CROCC2: variants seen among roughly 807,000 people sequenced by gnomAD.
CROCC2 encodes the protein ciliary rootlet coiled-coil protein 2.
In CROCC2, 163 loss-of-function variants were observed where a neutral mutation model predicts 177.6. The observed-to-expected ratio is 0.92, with a 90% CI of 0.81 to 1.05. CROCC2 has a LOEUF of 1.05. Among genes scored for constraint, CROCC2 ranks in the 50% least tolerant of loss-of-function variants. CROCC2 has a pLI of 0.00. For missense variants in CROCC2, 1,929 were observed against 1,797.8 expected, an observed-to-expected ratio of 1.07 and a Z score of -1.32; for synonymous variants, 904 against 787.3, an observed-to-expected ratio of 1.15 and a Z score of -2.48.
chr2:240,955,610 C>T (rs2059585579), intron 18 of CROCC2: 1 of 485,472 alleles, frequency 2.1e-6, no homozygotes, highest in African/African-American at 1.9e-5. Flanking sequence ...CAAGTGCAGA[C>T]ACAGAGGTGG....
chr2:240,954,300 G>A lies in CROCC2; in HGVS notation c.2830-1559G>A, dbSNP rs190978292. ...CACAGGGCATGGTTCCCAACAGGAT[G>A]CCCTGTCTCAGACACCATCCACAAG... is the stretch of plus-strand genomic sequence containing the variant. On this transcript the variant is annotated intron_variant, in intron 18 of 31. Transcript: ENST00000690015. 6.4e-3 allele frequency among the ~76,000 whole-genome samples: 974 copies of A among 152,214 alleles called. 5 individuals carry two copies. Among genetic ancestry groups the A allele is most frequent in the Non-Finnish European group, 0.011 (733 of 68,024 alleles).
intron 28 of CROCC2, chr2:240,985,851 G>T (rs1574800188): frequency 2.4e-6 from 1 of 422,448 alleles, no homozygotes; most frequent in South Asian, 1.7e-5. Context: ...CACACTGGGG[G>T]TCTCACTGCC....
chr2:240,916,701 C>G (rs1163590949), intron 1 of CROCC2, among the ~76,000 whole-genome samples: 1 of 152,216 alleles, frequency 6.6e-6, no homozygotes, highest in Non-Finnish European at 1.5e-5. Context: ...TTACTCCGCG[C>G]TGCAGCCTTC....
chr2:240,976,341 A>G (rs58954937), intron 27 of CROCC2, among the ~76,000 whole-genome samples: 800 of 110,632 alleles, frequency 7.2e-3, no homozygotes, highest in African/African-American at 0.025. Flanking sequence ...TCTCTGGGGT[A>G]GGAGCCTCAG....
At position 240,948,971 on chromosome 2, in the gene CROCC2, C is replaced by G; in HGVS notation, c.2364-8C>G. 6.5e-7 allele frequency: 1 copy of G among 1,550,344 alleles called. No homozygotes were observed. Among genetic ancestry groups the G allele is most frequent in the African/African-American group, 1.4e-5 (1 of 73,184 alleles). On this transcript the variant is annotated splice_region_variant and splice_polypyrimidine_tract_variant and intron_variant, in intron 15 of 31. Transcript: ENST00000690015. ...ATGACTTGCCCATTGTTTGCTGCATCTTTGCAGGGTGGAGAGGGACTCCCT... is the reference window on the plus strand; with the variant it reads ...ATGACTTGCCCATTGTTTGCTGCATGTTTGCAGGGTGGAGAGGGACTCCCT...
intron 28 of CROCC2, among the ~76,000 whole-genome samples, chr2:240,986,265 C>T (rs543156075): frequency 3.3e-5 from 5 of 152,184 alleles, no homozygotes; most frequent in African/African-American, 4.8e-5. Flanking sequence ...AGAGTCCCCG[C>T]GGAAGCTGTG....
intron 5 of CROCC2, 21 bp from the exon 6 acceptor site, chr2:240,930,145 C>T (rs1162762428): frequency 5.5e-6 from 3 of 544,232 alleles, no homozygotes; most frequent in Non-Finnish European, 1.0e-5. Flanking sequence ...CTGAAGTAGA[C>T]AGGAGGCCTC....
rs1030580411 is a variant in CROCC2 at position 240,935,419 on chromosome 2, G to C, written c.2000G>C (p.Arg667Pro). Residue 667 changes from arginine (R) to proline (P), a missense_variant, in exon 14 of 32, where the codon CGG becomes CCG. Arg to Pro is a moderately radical substitution (Grantham distance 103). Coordinates refer to ENST00000690015, the MANE Select transcript of CROCC2 (RefSeq NM_001351305.2). ...AAGACTCTGGAGCAGGAACGGGCCC[G>C]GGCCGGGGAGCAGCTGGCACAGGCG... ...QRKTLEQERARAGEQLAQAEQ... is the reference protein window; with the variant it reads ...QRKTLEQERAPAGEQLAQAEQ... The C allele has an allele frequency of 7.3e-7, 1 of 1,377,032 alleles. No individual in the cohort carries two copies. Among genetic ancestry groups the C allele is most frequent in the South Asian group, 1.8e-5 (1 of 55,960 alleles). The allele number at this position is 1,377,032 out of a possible 1,614,324, so 85.3% of individuals were successfully genotyped here.
chr2:240,983,765 C>A (rs1187774316), intron 28 of CROCC2: 3 of 479,996 alleles, frequency 6.3e-6, no homozygotes, highest in Non-Finnish European at 1.0e-5. Flanking sequence ...CGTGTGCGCC[C>A]TGCCTTGGCT....
intron 18 of CROCC2, among the ~76,000 whole-genome samples, chr2:240,952,213 G>C (rs543439773): frequency 1.3e-5 from 2 of 152,004 alleles, no homozygotes; most frequent in Non-Finnish European, 2.9e-5. Context: ...CGGGCATGGT[G>C]GTGGGGACCT....
intron 21 of CROCC2, 60 bp from the exon 22 acceptor site, chr2:240,964,406 G>A: frequency 6.5e-7 from 1 of 1,543,014 alleles, no homozygotes; most frequent in Admixed American, 2.0e-5. Flanking sequence ...AGACCTGCTG[G>A]GCAGCTGTGC....
chr2:240,992,734 C>A (rs1360454767), intron 31 of CROCC2, among the ~76,000 whole-genome samples: 1 of 152,228 alleles, frequency 6.6e-6, no homozygotes, highest in Non-Finnish European at 1.5e-5. Flanking sequence ...AGCAGGCAGG[C>A]CTGCCCCCAC....
chr2:240,955,497 T>C (rs891021680), intron 18 of CROCC2: 2 of 214,570 alleles, frequency 9.3e-6, no homozygotes, highest in Admixed American at 5.3e-5. Context: ...CATCAAGTGT[T>C]GCCTAGAGGG....
rs550833811 is a variant in CROCC2 at position 240,946,185 on chromosome 2, G to A, written c.2295G>A (p.Gln765=). 1.9e-5 allele frequency: 29 copies of A among 1,547,948 alleles called. No homozygotes were observed. Among genetic ancestry groups the A allele is most frequent in the Admixed American group, 1.2e-4 (6 of 50,988 alleles). ...GKDALSEERA[Q]LLAKQEALER... ...ATGCTCTGTCTGAGGAGCGGGCCCA[G>A]CTGCTGGCCAAGCAGGAGGCCTTGG... Residue 765 remains glutamine (Q), a synonymous_variant, in exon 15 of 32, where the codon CAG becomes CAA. Coordinates refer to ENST00000690015, the MANE Select transcript of CROCC2 (RefSeq NM_001351305.2).
At chr2:240,942,288 C>G (rs1413894062) in intron 14 of CROCC2, among the ~76,000 whole-genome samples, 1 of 152,052 alleles carries the variant, frequency 6.6e-6, no homozygotes, top group East Asian at 1.9e-4. Context: ...TATTTTTAAC[C>G]ATTCACACAC....
At chr2:240,927,184 C>T (rs2059400547) in intron 5 of CROCC2, among the ~76,000 whole-genome samples, 1 of 152,216 alleles carries the variant, frequency 6.6e-6, no homozygotes, top group Admixed American at 6.5e-5. Context: ...CTGACTGGCT[C>T]CTTATCGAAG....
At chr2:240,948,064 C>A (rs1389977598) in intron 15 of CROCC2, among the ~76,000 whole-genome samples, 1 of 152,134 alleles carries the variant, frequency 6.6e-6, no homozygotes, top group East Asian at 1.9e-4. Flanking sequence ...TCCAGGCTGA[C>A]TTGAAGGAAA....
intron 28 of CROCC2, chr2:240,983,279 G>T: frequency 1.0e-6 from 1 of 998,952 alleles, no homozygotes; most frequent in Non-Finnish European, 1.4e-6. Context: ...CGTACAGTAA[G>T]CACCCCTACA....
Position 240,960,584 on chromosome 2 carries a change from G to C in CROCC2, c.3087+1140G>C, listed in dbSNP as rs1258325945. The stretch of plus-strand genomic sequence containing the variant: ...GAGGGGAGGGTCAGCTGGAGCCCCA[G>C]CGGGGCCCACGGGGACGGGGCGACC... On this transcript the variant is annotated intron_variant, in intron 20 of 31. Coordinates refer to ENST00000690015, the MANE Select transcript of CROCC2 (RefSeq NM_001351305.2). The surrounding 1 kb of genome is among the most constrained non-coding windows in gnomAD (Gnocchi z 5.0). 6.6e-6 allele frequency among the ~76,000 whole-genome samples: 1 copy of C among 152,146 alleles called. No individual in the cohort carries two copies. The highest frequency in any genetic ancestry group is 1.5e-5 in the Non-Finnish European group (1 of 68,010).
Sources: allele counts gnomAD v4.1 joint callset (sites outside exome capture counted in the v4.1 genomes callset), GRCh38; gene constraint gnomAD v4.1.1; non-coding constraint Gnocchi (gnomAD v3.1); transcripts MANE v1.5; gene names NCBI Gene and HGNC (gene_info 2026-07-23, HGNC 2026-07-21).